The following PKN3 variants were observed in gnomAD, a reference collection of about 807,000 sequenced individuals.
PKN3 encodes the protein serine/threonine-protein kinase N3.
In PKN3, 91 loss-of-function variants were observed where a neutral mutation model predicts 113.1. The observed-to-expected ratio is 0.80, with a 90% CI of 0.68 to 0.96. PKN3 has a LOEUF of 0.96. Among genes scored for constraint, PKN3 ranks in the 40% least tolerant of loss-of-function variants. The pLI is 0.00. For synonymous variants in PKN3, 467 were observed against 499.0 expected (o/e 0.94, Z 0.85); for missense variants, 1,052 against 1,202.2 (o/e 0.88, Z 1.85).
chr9:128,707,333 C>G lies in PKN3; in HGVS notation c.763C>G (p.Arg255Gly). Residue 255 changes from arginine to glycine, a missense_variant, in exon 6 of 22, where the codon CGA becomes GGA. By Grantham distance (125) the Arg-to-Gly change is moderately radical. Coordinates refer to ENST00000291906, the MANE Select transcript of PKN3 (RefSeq NM_013355.5). Reference protein sequence around the residue: ...PAHPLRSRVTRELRAAVPGYP... With the variant: ...PAHPLRSRVTGELRAAVPGYP... ...CCACCCTTTGCGCAGCAGAGTGACC[C>G]GAGAGTTGCGGGCTGCGGTGCCTGG... 4 of 1,613,902 alleles carry G rather than the reference C, an allele frequency of 2.5e-6. No individual in the cohort carries two copies. Among genetic ancestry groups the G allele is most frequent in the Non-Finnish European group, 3.4e-6 (4 of 1,179,954 alleles).
Position 128,714,082 on chromosome 9 carries a change from C to T in PKN3, c.1273C>T (p.Arg425Trp), listed in dbSNP as rs41275912. Residue 425 changes from arginine (R) to tryptophan (W), a missense_variant, in exon 10 of 22, where the codon CGG becomes TGG. By Grantham distance (101) the Arg-to-Trp change is moderately radical (BLOSUM62 -3). This residue lies in a region of PKN3 where 719 missense variants were observed against 759.4 expected (regional missense o/e 0.95). Transcript: ENST00000291906. ...FCDPVIERRP[R>W]LQRQERIFSK... ...CGATCCTGTCATTGAGAGGCGGCCC[C>T]GGCTGCAGAGGCAGGAACGCATCTT... 6.0e-4 allele frequency: 976 copies of T among 1,614,080 alleles called. 3 individuals carry two copies. Among genetic ancestry groups the T allele is most frequent in the Middle Eastern group, 3.1e-3 (19 of 6,062 alleles).
At chr9:128,708,664 G>A (rs1862090148) in intron 6 of PKN3, among the ~76,000 whole-genome samples, 1 of 151,460 alleles carries the variant, frequency 6.6e-6, no homozygotes, top group South Asian at 2.1e-4. Flanking sequence ...GGGCAACATA[G>A]TGAAACCTCA....
At chr9:128,704,916 CAAA>C (rs560127150) in intron 1 of PKN3, among the ~76,000 whole-genome samples, 2 of 83,800 alleles carry the variant, frequency 2.4e-5, no homozygotes, top group Admixed American at 1.3e-4. Context: ...AAAACTGTCT[CAAA>C]AAAAAAAAAA....
rs1229588508 is a variant in PKN3, at chr9:128,716,898, G to A, written c.1960G>A (p.Asp654Asn). Residue 654 changes from aspartate to asparagine, a missense_variant, in exon 16 of 22, where the codon GAT (aspartate) becomes AAT (asparagine). By Grantham distance (23) the Asp-to-Asn change is conservative. Transcript: ENST00000291906. ...GGDLMMQIHEDVFPEPQARFY... is the reference protein window; with the variant it reads ...GGDLMMQIHENVFPEPQARFY... The stretch of plus-strand genomic sequence containing the variant: ...TGACCTCATGATGCAGATCCACGAG[G>A]ATGTCTTCCCCGAGCCCCAGGCCCG... 1.2e-6 allele frequency: 2 copies of A among 1,613,712 alleles called. No individual in the cohort carries two copies. The highest frequency in any genetic ancestry group is 1.3e-5 in the African/African-American group (1 of 74,868).
At chr9:128,717,185 A>ATGGCATG (rs1862370367) in intron 16 of PKN3, among the ~76,000 whole-genome samples, 2 of 115,890 alleles carry the variant, frequency 1.7e-5, no homozygotes, top group Non-Finnish European at 3.3e-5. Context: ...CTGGAGTGCA[A>ATGGCATG]TGGCATGATC....
intron 6 of PKN3, among the ~76,000 whole-genome samples, chr9:128,709,240 C>T (rs1309951817): frequency 1.3e-5 from 2 of 150,670 alleles, no homozygotes; most frequent in South Asian, 2.1e-4. Context: ...GAGCCGAGAT[C>T]GCACCACTGC....
In PKN3 at chr9:128,715,043, T is replaced by C; in HGVS notation, c.1653-129T>C. On this transcript the variant is annotated intron_variant, in intron 13 of 21. Coordinates refer to ENST00000291906, the MANE Select transcript of PKN3 (RefSeq NM_013355.5). The surrounding 1 kb of genome is among the most constrained non-coding windows in gnomAD (Gnocchi z 4.1). ...CTCTATGCCGGCTTCTAGGAGTCCT[T>C]ACTGCAGGGCTTTTTCGAGCCCATA... 9.0e-7 allele frequency: 1 copy of C among 1,108,890 alleles called. No individual in the cohort carries two copies. The highest frequency in any genetic ancestry group is 2.4e-5 in the East Asian group (1 of 42,074). 68.7% of individuals were successfully genotyped at this position (1,108,890 alleles called of 1,614,324 possible).
In PKN3 at chr9:128,715,195, TC is replaced by T; in HGVS notation, c.1678del (p.Arg560AlafsTer3). 1.2e-6 allele frequency: 2 copies of T among 1,614,062 alleles called. No individual in the cohort carries two copies. Among genetic ancestry groups the T allele is most frequent in the Non-Finnish European group, 1.7e-6 (2 of 1,180,008 alleles). ...PTRKPPRLQDFRCLAVLGRGH... is the reference protein window; with the variant it reads ...PTRKPPRLQDXRCLAVLGRGH... ...AGGAAACCCCCTCGGCTTCAGGACT[TC>T]CGCTGCTTAGCTGTGCTGGGCCGGG... is the stretch of plus-strand genomic sequence containing the variant. On this transcript the variant is annotated frameshift_variant, in exon 14 of 22. Transcript: ENST00000291906. LOFTEE classifies it high-confidence loss of function. The surrounding 1 kb of genome is among the most constrained non-coding windows in gnomAD (Gnocchi z 4.1).
At chr9:128,704,126 A>T (rs1861938665) in intron 1 of PKN3, 1 of 985,148 alleles carries the variant, frequency 1.0e-6, no homozygotes, top group Non-Finnish European at 1.2e-6. Context: ...TGGAACACAG[A>T]GAGGTAAGAT....
At chr9:128,710,269 T>C (rs1304512806) in intron 6 of PKN3, among the ~76,000 whole-genome samples, 1 of 151,686 alleles carries the variant, frequency 6.6e-6, no homozygotes, top group Non-Finnish European at 1.5e-5. Flanking sequence ...ATCTGTCTCC[T>C]TGTAGCAGCA....
At position 128,705,729 on chromosome 9, in the gene PKN3, C is replaced by G. The variant is rs760961359; in HGVS notation, c.266-5C>G. The stretch of plus-strand genomic sequence containing the variant: ...GACTCCTGTGCTCGATACCCCCGTG[C>G]ACAGAGCCTGTGGCCTCAGGACCCC... On this transcript the variant is annotated splice_polypyrimidine_tract_variant and splice_region_variant and intron_variant, in intron 2 of 21. Transcript: ENST00000291906. 2 of 1,601,254 alleles carry G rather than the reference C, an allele frequency of 1.2e-6. No individual in the cohort carries two copies. The highest frequency in any genetic ancestry group is 1.7e-6 in the Non-Finnish European group (2 of 1,174,134).
rs1862323561 is a variant in PKN3, at chr9:128,715,895, T to C, written c.1808+435T>C. On this transcript the variant is annotated intron_variant, in intron 15 of 21. Coordinates refer to ENST00000291906, the MANE Select transcript of PKN3 (RefSeq NM_013355.5). This position sits in a 1 kb window ranked among gnomAD's most constrained non-coding sequence, Gnocchi z 4.1. The stretch of plus-strand genomic sequence containing the variant: ...GCATGTGCCTTTAGTCCCAGCTACT[T>C]GGGAGGGTGAGGTGAGAGGATTGCT... Among the ~76,000 whole-genome samples the C allele has an allele frequency of 1.3e-5, 2 of 151,398 alleles. No individual in the cohort carries two copies. The highest frequency in any genetic ancestry group is 2.1e-4 in the South Asian group (1 of 4,796).
At position 128,702,955 on chromosome 9, in the gene PKN3, G is replaced by A. The variant is rs758589414; in HGVS notation, c.24+16G>A. The A allele has an allele frequency of 1.4e-6, 2 of 1,422,336 alleles. No individual in the cohort carries two copies. The highest frequency in any genetic ancestry group is 3.0e-5 in the East Asian group (1 of 33,082). The allele number at this position is 1,422,336 out of a possible 1,614,324, so 88.1% of individuals were successfully genotyped here. A position where few individuals can be genotyped will look rare whatever the true frequency, so the allele number is the denominator to read the frequency against. ...GCCGCGGCAGGTGAACGGCGTGGGA[G>A]GGGCGCGCGGGCCCGGGGGGTGCGA... On this transcript the variant is annotated intron_variant, in intron 1 of 21. Transcript: ENST00000291906.
chr9:128,716,693 G>C, intron 15 of PKN3, 54 bp from the exon 16 acceptor site: 3 of 1,498,354 alleles, frequency 2.0e-6, no homozygotes, highest in Non-Finnish European at 2.8e-6. Context: ...AGGGCACAGG[G>C]CACAGCCCAG....
At chr9:128,714,436 T>C in intron 11 of PKN3, 71 bp downstream of exon 11, 6 of 1,302,574 alleles carry the variant, frequency 4.6e-6, no homozygotes, top group Non-Finnish European at 6.6e-6. Flanking sequence ...CCAGGCGGTA[T>C]CTGTCTGTCT....
chr9:128,705,734 A>T lies in PKN3; in HGVS notation c.266A>T (p.Glu89Val). 6.2e-7 allele frequency: 1 copy of T among 1,603,282 alleles called. No individual in the cohort carries two copies. Among genetic ancestry groups the T allele is most frequent in the Non-Finnish European group, 8.5e-7 (1 of 1,175,210 alleles). Reference protein sequence around the residue: ...LLPGPGPGPAEPVASGPRPWA... With the variant: ...LLPGPGPGPAVPVASGPRPWA... ...CTGTGCTCGATACCCCCGTGCACAG[A>T]GCCTGTGGCCTCAGGACCCCGGCCG... Residue 89 changes from glutamate (E) to valine (V), a missense_variant and splice_region_variant, in exon 3 of 22, where the codon GAG becomes GTG. Physicochemically the swap from Glu to Val is moderately radical, Grantham distance 121. Around this residue, in one of 2 missense-constraint regions of PKN3, gnomAD observed 719 missense variants for 759.4 expected, o/e 0.95. Coordinates refer to ENST00000291906, the MANE Select transcript of PKN3 (RefSeq NM_013355.5).
At position 128,715,050 on chromosome 9, in the gene PKN3, G is replaced by T; in HGVS notation, c.1653-122G>T. 8.7e-7 allele frequency: 1 copy of T among 1,154,002 alleles called. No individual in the cohort carries two copies. The highest frequency in any genetic ancestry group is 1.5e-5 in the African/African-American group (1 of 65,720). The allele number at this position is 1,154,002 out of a possible 1,614,324, so 71.5% of individuals were successfully genotyped here. A position where few individuals can be genotyped will look rare whatever the true frequency, so the allele number is the denominator to read the frequency against. On this transcript the variant is annotated intron_variant, in intron 13 of 21. Transcript: ENST00000291906. The surrounding 1 kb of genome is among the most constrained non-coding windows in gnomAD (Gnocchi z 4.1). ...CCGGCTTCTAGGAGTCCTTACTGCA[G>T]GGCTTTTTCGAGCCCATAGGTCGGG...
intron 6 of PKN3, among the ~76,000 whole-genome samples, chr9:128,709,004 C>T (rs980582049): frequency 4.7e-5 from 7 of 148,876 alleles, no homozygotes; most frequent in Non-Finnish European, 7.5e-5. Context: ...ATACAAAAAT[C>T]GCCGGGCGCG....
intron 1 of PKN3, 108 bp downstream of exon 1, chr9:128,703,047 CGCCCCTTCCCT>C (rs1438938167): frequency 2.6e-6 from 2 of 769,074 alleles, no homozygotes; most frequent in Admixed American, 8.3e-5. Flanking sequence ...CCCTCACCCG[CGCCCCTTCCCT>C]GCCCCTGCCC....
Sources: gnomAD v4.1 joint callset for allele counts (sites outside exome capture counted in the v4.1 genomes callset) on GRCh38, gnomAD v4.1.1 for gene constraint, gnomAD v4.1.1 regional missense constraint, Gnocchi (gnomAD v3.1) non-coding constraint, MANE v1.5 for transcripts, NCBI Gene and HGNC (gene_info 2026-07-23, HGNC 2026-07-21) for gene names.